Variants in SH3RF2 observed in about 807,000 individuals in gnomAD.
The protein encoded by SH3RF2 is SH3 domain containing ring finger 2.
SH3RF2 carries 43 observed loss-of-function variants against 59.0 expected under a neutral mutation model. That is an observed-to-expected ratio of 0.73 (90% CI 0.57 to 0.94). The LOEUF is 0.94. Ranked by LOEUF, SH3RF2 falls within the 40% of genes least tolerant of loss-of-function variation. The probability of loss-of-function intolerance (pLI) is 0.00; values close to 1 mark genes in which losing one functional copy is unlikely to be tolerated. For synonymous variants in SH3RF2, 391 were observed against 391.5 expected (o/e 1.00, Z 0.01); for missense variants, 930 against 940.1 (o/e 0.99, Z 0.14).
intron 4 of SH3RF2, among the ~76,000 whole-genome samples, chr5:146,009,523 A>G (rs1760789164): frequency 6.6e-6 from 1 of 151,994 alleles, no homozygotes; most frequent in Non-Finnish European, 1.5e-5. Flanking sequence ...CCTTCTTGAC[A>G]TTTGTTGTTT....
chr5:146,032,782 G>A (rs1761787546), intron 5 of SH3RF2, among the ~76,000 whole-genome samples: 1 of 152,208 alleles, frequency 6.6e-6, no homozygotes, highest in Admixed American at 6.5e-5. Context: ...TCTCTTCTCA[G>A]GCGTCTTTGC....
intron 2 of SH3RF2, among the ~76,000 whole-genome samples, 178 bp from the exon 3 acceptor site, chr5:145,999,880 G>A (rs1760327443): frequency 6.6e-6 from 1 of 152,338 alleles, no homozygotes; most frequent in Non-Finnish European, 1.5e-5. Context: ...ACATGGTGTT[G>A]GAAGAATGGC....
intron 7 of SH3RF2, among the ~76,000 whole-genome samples, chr5:146,052,244 G>A (rs186885589): frequency 3.9e-4 from 59 of 152,236 alleles, no homozygotes; most frequent in African/African-American, 1.1e-3. Flanking sequence ...AAACTCTCCC[G>A]GGAAAATCAA....
intron 9 of SH3RF2, among the ~76,000 whole-genome samples, chr5:146,072,736 A>G (rs1763264712): frequency 6.6e-6 from 1 of 152,176 alleles, no homozygotes; most frequent in Admixed American, 6.5e-5. Flanking sequence ...GCAGGTACCT[A>G]GTGAATCCCT....
chr5:145,981,800 G>C (rs1759516175), intron 2 of SH3RF2, among the ~76,000 whole-genome samples: 1 of 152,232 alleles, frequency 6.6e-6, no homozygotes, highest in Non-Finnish European at 1.5e-5. Flanking sequence ...AATAACCACA[G>C]ATGGGCAGTG....
intron 5 of SH3RF2, among the ~76,000 whole-genome samples, chr5:146,044,268 A>T (rs985963241): frequency 1.3e-5 from 2 of 151,734 alleles, no homozygotes; most frequent in African/African-American, 4.8e-5. Context: ...CTCCTGCCTC[A>T]GCCTCCTGAG....
In SH3RF2 at chr5:146,047,753, G is replaced by A; in HGVS notation, c.1060-19G>A. The A allele has an allele frequency of 1.2e-6, 2 of 1,613,066 alleles. No homozygotes were observed. Among genetic ancestry groups the A allele is most frequent in the Non-Finnish European group, 8.5e-7 (1 of 1,179,312 alleles). On this transcript the variant is annotated intron_variant, in intron 5 of 9. Transcript: ENST00000359120. ...TGGCATTCATTGGTTCTGCTTGGCTGTCTTTTCTGTCTGTGCAGGTCAGCA... is the reference window on the plus strand; with the variant it reads ...TGGCATTCATTGGTTCTGCTTGGCTATCTTTTCTGTCTGTGCAGGTCAGCA...
intron 4 of SH3RF2, among the ~76,000 whole-genome samples, chr5:146,012,532 A>G (rs902595449): frequency 6.6e-6 from 1 of 152,114 alleles, no homozygotes; most frequent in African/African-American, 2.4e-5. Flanking sequence ...TTATTGCCTC[A>G]ATTTCAGAGC....
intron 4 of SH3RF2, among the ~76,000 whole-genome samples, chr5:146,008,967 T>G (rs1386913673): frequency 1.3e-5 from 2 of 152,222 alleles, no homozygotes; most frequent in African/African-American, 4.8e-5. Context: ...AGTAGTTCAT[T>G]CCTTTTTGAT....
intron 8 of SH3RF2, among the ~76,000 whole-genome samples, chr5:146,058,148 A>C (rs1239935058): frequency 6.6e-6 from 1 of 152,122 alleles, no homozygotes; most frequent in Non-Finnish European, 1.5e-5. Flanking sequence ...GACTGCTTGC[A>C]TTGTATACAC....
rs866234415 is a variant in SH3RF2 at position 145,944,162 on chromosome 5, T to A, written c.378+5856T>A. Among the ~76,000 whole-genome samples the A allele has an allele frequency of 6.6e-5, 10 of 152,254 alleles. No individual in the cohort carries two copies. In the Middle Eastern group the frequency reaches 0.01, roughly 155 times the overall value. ...ACTTTTTGAGTGCTGACATGAGGCTTAAAGGAAGTGTTCATCAAAGCATTT... is the reference window on the plus strand; with the variant it reads ...ACTTTTTGAGTGCTGACATGAGGCTAAAAGGAAGTGTTCATCAAAGCATTT... On this transcript the variant is annotated intron_variant, in intron 2 of 9. Coordinates refer to ENST00000359120, the MANE Select transcript of SH3RF2 (RefSeq NM_152550.4).
At chr5:146,009,880 TTTTTTG>T (rs1308585106) in intron 4 of SH3RF2, among the ~76,000 whole-genome samples, 1 of 152,172 alleles carries the variant, frequency 6.6e-6, no homozygotes, top group African/African-American at 2.4e-5. Context: ...TCTCAGCTAT[TTTTTTG>T]TTTTTATTAT....
intron 2 of SH3RF2, among the ~76,000 whole-genome samples, chr5:145,948,460 A>T (rs746272542): frequency 6.6e-6 from 1 of 152,218 alleles, no homozygotes. Context: ...TGCCACTTGC[A>T]TGCACAGCAT....
At chr5:145,954,144 C>T (rs1758302709) in intron 2 of SH3RF2, among the ~76,000 whole-genome samples, 1 of 152,164 alleles carries the variant, frequency 6.6e-6, no homozygotes, top group African/African-American at 2.4e-5. Context: ...TGGCTTTCCA[C>T]AATGGTTGAA....
chr5:146,020,937 C>T (rs377705618), intron 5 of SH3RF2, among the ~76,000 whole-genome samples: 10 of 152,102 alleles, frequency 6.6e-5, no homozygotes, highest in African/African-American at 1.7e-4. Context: ...TGAGCTGTCA[C>T]GAGCCTTGGG....
chr5:146,052,609 G>A (rs1447116111), intron 7 of SH3RF2, among the ~76,000 whole-genome samples: 1 of 152,096 alleles, frequency 6.6e-6, no homozygotes, highest in Non-Finnish European at 1.5e-5. Context: ...AGGTGGCAGA[G>A]GATCAATGCT....
At chr5:145,967,289 C>T (rs1758895598) in intron 2 of SH3RF2, among the ~76,000 whole-genome samples, 1 of 152,078 alleles carries the variant, frequency 6.6e-6, no homozygotes, top group African/African-American at 2.4e-5. Context: ...CTCTAATTGG[C>T]CCATTTATGA....
At chr5:146,052,361 T>C (rs72820412) in intron 7 of SH3RF2, among the ~76,000 whole-genome samples, 2,272 of 152,260 alleles carry the variant, frequency 0.015, 28 homozygotes, top group Non-Finnish European at 0.024. Context: ...ATTGTGTTCT[T>C]GGGCAAGTCA....
chr5:145,960,638 G>A (rs779448241), intron 2 of SH3RF2, among the ~76,000 whole-genome samples: 1 of 152,148 alleles, frequency 6.6e-6, no homozygotes, highest in Non-Finnish European at 1.5e-5. Context: ...TTTAAAAGGG[G>A]TAGGCTGACC....
Sources: gnomAD v4.1 joint callset for allele counts (sites outside exome capture counted in the v4.1 genomes callset) on GRCh38, gnomAD v4.1.1 for gene constraint, MANE v1.5 for transcripts, NCBI Gene and HGNC (gene_info 2026-07-23, HGNC 2026-07-21) for gene names.